OSGIN2: variants seen among roughly 807,000 people sequenced by gnomAD.
OSGIN2 encodes the protein oxidative stress induced growth inhibitor family member 2.
In OSGIN2, 19 loss-of-function variants were observed where a neutral mutation model predicts 53.8. The ratio of observed to expected loss-of-function variants is 0.35; its 90% CI spans 0.25 to 0.52. OSGIN2 has a LOEUF of 0.52. Among genes scored for constraint, OSGIN2 ranks in the 20% least tolerant of loss-of-function variants. OSGIN2 has a pLI of 0.95. For missense variants in OSGIN2, 520 were observed against 662.7 expected (o/e 0.78, Z 2.36); for synonymous variants, 236 against 236.0 (o/e 1.00, Z 0.00).
At position 89,914,122 on chromosome 8, in the gene OSGIN2, A is replaced by G; in HGVS notation, c.245A>G (p.Tyr82Cys). The G allele has an allele frequency of 6.2e-7, 1 of 1,608,734 alleles. No homozygotes were observed. The highest frequency in any genetic ancestry group is 8.5e-7 in the Non-Finnish European group (1 of 1,175,488). Reference sequence around the variant, plus strand: ...TGCCTTTCTTATATGTTATCAGGCTACAGACCGTATTTATCATCAGAAGCA... The same window carrying G: ...TGCCTTTCTTATATGTTATCAGGCTGCAGACCGTATTTATCATCAGAAGCA... ...GICLSYMLSG[Y>C]RPYLSSEAIH... is the part of the protein sequence containing the mutation. Residue 82 changes from tyrosine to cysteine, a missense_variant, in exon 3 of 6, where the codon TAC becomes TGC. By Grantham distance (194) the Tyr-to-Cys change is radical. Around this residue, in one of 3 missense-constraint regions of OSGIN2, gnomAD observed 203 missense variants for 275.3 expected, o/e 0.74. Coordinates refer to ENST00000451899, the MANE Select transcript of OSGIN2 (RefSeq NM_001126111.3).
rs1293590085 is a variant in OSGIN2, at chr8:89,902,801, T to G, written c.8T>G (p.Val3Gly). The G allele has an allele frequency of 3.2e-5, 42 of 1,328,382 alleles. No homozygotes were observed. Among genetic ancestry groups the G allele is most frequent in the East Asian group, 9.7e-5 (3 of 30,856 alleles). The allele number at this position is 1,328,382 out of a possible 1,614,324, so 82.3% of individuals were successfully genotyped here. MP[V>G]WCCRCSLAGH... ...CCCCTCGCGCAGCGCTCCATGCCCG[T>G]GTGGTGCTGCCGCTGCTCCCTGGCC... The change falls in exon 1 of 6, where the codon GTG becomes GGG. Residue 3 changes from valine (V) to glycine (G), a missense_variant. Val to Gly is a moderately radical substitution (Grantham distance 109). This residue lies in a region of OSGIN2 where 203 missense variants were observed against 275.3 expected (regional missense o/e 0.74). Transcript: ENST00000451899.
intron 5 of OSGIN2, among the ~76,000 whole-genome samples, chr8:89,923,091 CAGTG>C (rs1431355649): frequency 6.6e-6 from 1 of 152,122 alleles, no homozygotes; most frequent in Non-Finnish European, 1.5e-5. Context: ...TTGGATGAGT[CAGTG>C]AGTGGTGAGT....
chr8:89,916,740 T>A (rs1167623070), intron 4 of OSGIN2, among the ~76,000 whole-genome samples: 1 of 152,208 alleles, frequency 6.6e-6, no homozygotes, highest in Non-Finnish European at 1.5e-5. Context: ...ACTTGTTTGC[T>A]TTCCCACATC....
Position 89,902,683 on chromosome 8 carries a change from C to T in OSGIN2, c.-111C>T. 1 of 329,008 alleles carries T rather than the reference C, an allele frequency of 3.0e-6. No homozygotes were observed. Among genetic ancestry groups the T allele is most frequent in the South Asian group, 1.1e-4 (1 of 8,844 alleles). 20.4% of individuals were successfully genotyped at this position (329,008 alleles called of 1,614,324 possible). ...ACGGCGAGGCGCGAGGCAGGGGCGC[C>T]CGGCAGACCCCGCGACCCCGAGCCA... On this transcript the variant is annotated 5_prime_UTR_variant, in exon 1 of 6. Coordinates refer to ENST00000451899, the MANE Select transcript of OSGIN2 (RefSeq NM_001126111.3).
intron 1 of OSGIN2, among the ~76,000 whole-genome samples, chr8:89,903,911 A>G (rs995535158): frequency 5.9e-5 from 9 of 152,232 alleles, no homozygotes; most frequent in African/African-American, 2.2e-4. Context: ...TAATAGAATT[A>G]GTTTTCTTGT....
intron 1 of OSGIN2, among the ~76,000 whole-genome samples, chr8:89,904,168 G>T (rs1808788877): frequency 6.6e-6 from 1 of 152,124 alleles, no homozygotes; most frequent in South Asian, 2.1e-4. Flanking sequence ...CTGAGACAGC[G>T]GTTTGAAGGT....
At chr8:89,914,477 C>A in intron 3 of OSGIN2, 78 bp from the exon 4 acceptor site, 1 of 1,047,726 alleles carries the variant, frequency 9.5e-7, no homozygotes, top group South Asian at 1.5e-5. Flanking sequence ...ATCATTGGAG[C>A]ATCATGGTAA....
At position 89,924,956 on chromosome 8, in the gene OSGIN2, T is replaced by C; in HGVS notation, c.1074T>C (p.Ala358=). The change falls in exon 6 of 6, where the codon GCT becomes GCC. Residue 358 remains alanine, a synonymous_variant. Coordinates refer to ENST00000451899, the MANE Select transcript of OSGIN2 (RefSeq NM_001126111.3). ...VLIVGSGLTA[A]DAVLCAYNSN... The stretch of plus-strand genomic sequence containing the variant: ...TTGTAGGTTCTGGGCTTACTGCCGC[T>C]GACGCAGTACTGTGTGCTTACAACA... 1 of 1,614,042 alleles carries C rather than the reference T, an allele frequency of 6.2e-7. No homozygotes were observed. Among genetic ancestry groups the C allele is most frequent in the Non-Finnish European group, 8.5e-7 (1 of 1,179,862 alleles).
chr8:89,922,914 T>C (rs756102182), intron 5 of OSGIN2, among the ~76,000 whole-genome samples: 1 of 152,130 alleles, frequency 6.6e-6, no homozygotes, highest in Non-Finnish European at 1.5e-5. Context: ...CTATAGGCAG[T>C]TGTAACACAA....
At chr8:89,903,277 C>T (rs1808767766) in intron 1 of OSGIN2, among the ~76,000 whole-genome samples, 2 of 152,126 alleles carry the variant, frequency 1.3e-5, no homozygotes, top group South Asian at 2.1e-4. Flanking sequence ...ATAGATTCTG[C>T]CTTGTTAAGA....
chr8:89,920,856 T>C (rs1809182838), intron 4 of OSGIN2, among the ~76,000 whole-genome samples: 1 of 152,196 alleles, frequency 6.6e-6, no homozygotes, highest in Non-Finnish European at 1.5e-5. Context: ...TATAACTATA[T>C]GAAAGAAGGT....
chr8:89,919,657 T>G (rs1241028910), intron 4 of OSGIN2, among the ~76,000 whole-genome samples: 7 of 152,298 alleles, frequency 4.6e-5, no homozygotes, highest in Non-Finnish European at 8.8e-5. Flanking sequence ...TGTAAAAGGT[T>G]GGAACAACGC....
chr8:89,904,531 T>C (rs972565367), intron 1 of OSGIN2, among the ~76,000 whole-genome samples: 3 of 152,160 alleles, frequency 2.0e-5, no homozygotes, highest in African/African-American at 7.2e-5. Context: ...CTAAAGTATT[T>C]TTTTTTTTAG....
At position 89,902,756 on chromosome 8, in the gene OSGIN2, A is replaced by G. The variant is rs1216032322; in HGVS notation, c.-38A>G. 1 of 1,196,258 alleles carries G rather than the reference A, an allele frequency of 8.4e-7. No homozygotes were observed. Among genetic ancestry groups the G allele is most frequent in the Non-Finnish European group, 1.0e-6 (1 of 955,990 alleles). 74.1% of individuals were successfully genotyped at this position (1,196,258 alleles called of 1,614,324 possible). A position where few individuals can be genotyped will look rare whatever the true frequency, so the allele number is the denominator to read the frequency against. ...CTCGCCGGGGGAGGCGGAGGCGGCC[A>G]CGGCGGCCGCGCTCGGGCGCCCCTC... On this transcript the variant is annotated 5_prime_UTR_variant, in exon 1 of 6. Coordinates refer to ENST00000451899, the MANE Select transcript of OSGIN2 (RefSeq NM_001126111.3).
intron 2 of OSGIN2, 57 bp from the exon 3 acceptor site, chr8:89,914,020 A>T: frequency 6.8e-7 from 1 of 1,475,334 alleles, no homozygotes; most frequent in South Asian, 1.2e-5. Context: ...ACAAAAGCCA[A>T]GGAACAAGAG....
At chr8:89,922,409 G>A (rs998292855) in intron 5 of OSGIN2, among the ~76,000 whole-genome samples, 1 of 152,162 alleles carries the variant, frequency 6.6e-6, no homozygotes, top group Non-Finnish European at 1.5e-5. Context: ...CTTGATCTTC[G>A]TAACTTGGCA....
Position 89,924,555 on chromosome 8 carries a change from C to A in OSGIN2, c.673C>A (p.His225Asn), listed in dbSNP as rs1809273957. 6.2e-7 allele frequency: 1 copy of A among 1,613,448 alleles called. No individual in the cohort carries two copies. The highest frequency in any genetic ancestry group is 1.3e-5 in the African/African-American group (1 of 74,836). Residue 225 changes from histidine (H) to asparagine (N), a missense_variant, in exon 6 of 6, where the codon CAT becomes AAT. This residue lies in a region of OSGIN2 where 203 missense variants were observed against 275.3 expected (regional missense o/e 0.74). Coordinates refer to ENST00000451899, the MANE Select transcript of OSGIN2 (RefSeq NM_001126111.3). ...MPEEIARYYK[H>N]YVKVMGLQKN... ...AGAGGAAATAGCTCGCTACTATAAA[C>A]ATTATGTAAAAGTCATGGGTCTTCA...
rs1808775788 is a variant in OSGIN2, at chr8:89,903,634, TTAGG to T, written c.44+800_44+803del. On this transcript the variant is annotated intron_variant, in intron 1 of 5. Coordinates refer to ENST00000451899, the MANE Select transcript of OSGIN2 (RefSeq NM_001126111.3). ...TCCTAAATAGTGGGTTTCATACAAT[TTAGG>T]TAACCCATGAACTTGGATGGAAAGA... 2.0e-5 allele frequency among the ~76,000 whole-genome samples: 3 copies of T among 152,358 alleles called. No homozygotes were observed. The South Asian group carries it at 6.2e-4, about 32-fold the overall frequency.
chr8:89,909,964 C>G (rs1319416648), intron 2 of OSGIN2, among the ~76,000 whole-genome samples: 1 of 152,086 alleles, frequency 6.6e-6, no homozygotes, highest in East Asian at 1.9e-4. Flanking sequence ...AAAATATCTC[C>G]TACATTTGTG....
Sources: allele counts gnomAD v4.1 joint callset (sites outside exome capture counted in the v4.1 genomes callset), GRCh38; gene constraint gnomAD v4.1.1; regional missense constraint gnomAD v4.1.1; transcripts MANE v1.5; gene names NCBI Gene and HGNC (gene_info 2026-07-23, HGNC 2026-07-21).